DNAJC12: variants seen among roughly 807,000 people sequenced by gnomAD.
The protein encoded by DNAJC12 is dnaJ homolog subfamily C member 12.
In DNAJC12, 25 loss-of-function variants were observed where a neutral mutation model predicts 28.5. The ratio of observed to expected loss-of-function variants is 0.88; its 90% CI spans 0.64 to 1.22. The LOEUF is 1.22. Ranked by LOEUF, DNAJC12 falls within the 50% of genes most tolerant of loss-of-function variation. The pLI is 0.00. For missense variants in DNAJC12, 222 were observed against 231.7 expected, an observed-to-expected ratio of 0.96 and a Z score of 0.27; for synonymous variants, 77 against 80.6, an observed-to-expected ratio of 0.95 and a Z score of 0.24.
At chr10:67,803,330 C>A (rs1259200056) in intron 4 of DNAJC12, among the ~76,000 whole-genome samples, 1 of 152,168 alleles carries the variant, frequency 6.6e-6, no homozygotes, top group African/African-American at 2.4e-5. Context: ...TACAGTATAA[C>A]CCCATTCTTT....
rs3740049 is a variant in DNAJC12 at position 67,811,578 on chromosome 10, G to T, written c.243C>A (p.Ser81Arg). 1.9e-6 allele frequency: 3 copies of T among 1,613,938 alleles called. No homozygotes were observed. In the Admixed American group the frequency reaches 5.0e-5, roughly 27 times the overall value. The change falls in exon 3 of 5, where the codon AGC (serine) becomes AGA (arginine). Residue 81 changes from serine (S) to arginine (R), a missense_variant. Physicochemically the swap from Ser to Arg is moderately radical, Grantham distance 110 (BLOSUM62 -1). Transcript: ENST00000225171. The part of the protein sequence containing the change: ...SRARYDHWRR[S>R]QMSMPFQQWE... ...ACTGCTGGAATGGCATCGACATCTG[G>T]CTCCTTCGCCAGTGGTCATAGCGGG...
rs376152346 is a variant in DNAJC12, at chr10:67,811,676, T to C, written c.158-13A>G. 62 of 1,608,856 alleles carry C rather than the reference T, an allele frequency of 3.9e-5. No individual in the cohort carries two copies. Among genetic ancestry groups the C allele is most frequent in the Non-Finnish European group, 4.3e-5 (51 of 1,177,410 alleles). ...TGAAAAGTCTCCACTGGAAAACAAA[T>C]CAAGAAATGAGCACTTCTCTCTCGG... is the stretch of plus-strand genomic sequence containing the variant. On this transcript the variant is annotated splice_polypyrimidine_tract_variant and intron_variant, in intron 2 of 4. Transcript: ENST00000225171.
At chr10:67,820,992 A>G (rs950370168) in intron 2 of DNAJC12, among the ~76,000 whole-genome samples, 9 of 151,534 alleles carry the variant, frequency 5.9e-5, no homozygotes, top group African/African-American at 2.2e-4. Flanking sequence ...CATGTTGGTC[A>G]GGCTGGTCTC....
rs182612302 is a variant in DNAJC12 at position 67,832,024 on chromosome 10, G to T, written c.78+5910C>A. Reference sequence around the variant, plus strand: ...CTTACGCCTGTAATCCCAACACTTTGAGAGGCCGAGGTGGGCAGATCACCT... The same window carrying T: ...CTTACGCCTGTAATCCCAACACTTTTAGAGGCCGAGGTGGGCAGATCACCT... On this transcript the variant is annotated intron_variant, in intron 1 of 4. Transcript: ENST00000225171. Among the ~76,000 whole-genome samples, 899 of 152,322 alleles carry T rather than the reference G, an allele frequency of 5.9e-3. 11 individuals are homozygous for T. Among genetic ancestry groups the T allele is most frequent in the African/African-American group, 0.021 (853 of 41,582 alleles).
intron 1 of DNAJC12, among the ~76,000 whole-genome samples, chr10:67,826,678 TAA>T (rs1423614175): frequency 1.6e-5 from 2 of 128,902 alleles, no homozygotes; most frequent in Admixed American, 8.5e-5. Context: ...TCATTATATA[TAA>T]GATATCTAAT....
At chr10:67,830,887 C>T (rs543953197) in intron 1 of DNAJC12, among the ~76,000 whole-genome samples, 5 of 152,132 alleles carry the variant, frequency 3.3e-5, no homozygotes, top group African/African-American at 4.8e-5. Context: ...CAAAAATACA[C>T]ATATAAATAC....
At chr10:67,835,716 T>TCACA (rs1842135770) in intron 1 of DNAJC12, among the ~76,000 whole-genome samples, 106 of 54,898 alleles carry the variant, frequency 1.9e-3, no homozygotes, top group African/African-American at 8.4e-3. Flanking sequence ...AGAGAAAAAA[T>TCACA]GACACACACA....
At chr10:67,816,907 T>C (rs1003957316) in intron 2 of DNAJC12, among the ~76,000 whole-genome samples, 10 of 152,162 alleles carry the variant, frequency 6.6e-5, no homozygotes, top group Admixed American at 5.9e-4. Context: ...AAACAGTTAC[T>C]GTCACCCACA....
At chr10:67,802,338 G>A (rs1841755388) in intron 4 of DNAJC12, among the ~76,000 whole-genome samples, 2 of 152,150 alleles carry the variant, frequency 1.3e-5, no homozygotes, top group African/African-American at 2.4e-5. Context: ...AAAGCACTCA[G>A]GACACAAATG....
chr10:67,819,896 G>T (rs531945217), intron 2 of DNAJC12, among the ~76,000 whole-genome samples: 1 of 152,240 alleles, frequency 6.6e-6, no homozygotes, highest in African/African-American at 2.4e-5. Flanking sequence ...AGGGGCATAC[G>T]ACTGTGAACA....
intron 4 of DNAJC12, among the ~76,000 whole-genome samples, chr10:67,798,758 CTTT>C (rs377308990): frequency 7.6e-6 from 1 of 132,034 alleles, no homozygotes; most frequent in African/African-American, 2.9e-5. Context: ...TGTGATTTTC[CTTT>C]TTTTTTTTTT....
intron 2 of DNAJC12, chr10:67,816,283 A>C: frequency 2.6e-6 from 1 of 390,044 alleles, no homozygotes; most frequent in Non-Finnish European, 4.5e-6. Context: ...AAGAAAATAT[A>C]CCAACTGTTA....
chr10:67,817,782 G>A (rs1434530022), intron 2 of DNAJC12, among the ~76,000 whole-genome samples: 1 of 152,076 alleles, frequency 6.6e-6, no homozygotes, highest in African/African-American at 2.4e-5. Context: ...AGAGGCTGAG[G>A]CAAGAGAGTC....
intron 2 of DNAJC12, 151 bp downstream of exon 2, chr10:67,823,163 C>G (rs1841996679): frequency 1.6e-6 from 1 of 637,480 alleles, no homozygotes; most frequent in East Asian, 2.8e-5. Context: ...CTGCACAGCC[C>G]TCTCCCTTTC....
At position 67,797,842 on chromosome 10, in the gene DNAJC12, C is replaced by T. The variant is rs1481347939; in HGVS notation, c.503-632G>A. Among the ~76,000 whole-genome samples, 4 of 151,884 alleles carry T rather than the reference C, an allele frequency of 2.6e-5. No homozygotes were observed. The South Asian group carries it at 6.2e-4, about 24-fold the overall frequency. ...GATCACGAGGTCAGGAGATCAAGAC[C>T]ATCCTGGCTAACACGGTGAAACCCC... is the stretch of plus-strand genomic sequence containing the variant. On this transcript the variant is annotated intron_variant, in intron 4 of 4. Transcript: ENST00000225171.
In DNAJC12 at chr10:67,806,996, C is replaced by T. The variant is rs186582365; in HGVS notation, c.298-1209G>A. Among the ~76,000 whole-genome samples the T allele has an allele frequency of 4.6e-5, 7 of 152,238 alleles. No homozygotes were observed. The East Asian group carries it at 9.7e-4, about 21-fold the overall frequency. ...TTGTATTTTAGGCTGGGCGCAGTGG[C>T]TCACACCTTAATCCCAGCACTCTGG... On this transcript the variant is annotated intron_variant, in intron 3 of 4. Coordinates refer to ENST00000225171, the MANE Select transcript of DNAJC12 (RefSeq NM_021800.3).
At position 67,819,660 on chromosome 10, in the gene DNAJC12, G is replaced by GAAAGAGAA. The variant is rs1280370710; in HGVS notation, c.157+3653_157+3654insTTCTCTTT. ...ACAAAAAAAGAAAGAAAGAAAGAAAGAGAAAGAAAGAAAGAAAGAAAGAAA... is the reference window on the plus strand; with the variant it reads ...ACAAAAAAAGAAAGAAAGAAAGAAAGAAAGAGAAAGAAAGAAAGAAAGAAAGAAAGAAA... On this transcript the variant is annotated intron_variant, in intron 2 of 4. Coordinates refer to ENST00000225171, the MANE Select transcript of DNAJC12 (RefSeq NM_021800.3). 1.7e-4 allele frequency among the ~76,000 whole-genome samples: 6 copies of GAAAGAGAA among 34,908 alleles called. 1 individual carries two copies. Among genetic ancestry groups the GAAAGAGAA allele is most frequent in the African/African-American group, 7.6e-4 (6 of 7,854 alleles). The allele number at this position is 34,908 out of a possible 152,430, so 22.9% of individuals were successfully genotyped here.
At chr10:67,797,973 G>A (rs951437769) in intron 4 of DNAJC12, among the ~76,000 whole-genome samples, 44 of 151,168 alleles carry the variant, frequency 2.9e-4, no homozygotes, top group Admixed American at 2.4e-3. Context: ...CCGGCATGCG[G>A]AGGTTGCAGT....
In DNAJC12 at chr10:67,826,080, C is replaced by T. The variant is rs1190833801; in HGVS notation, c.79-2688G>A. 3.3e-5 allele frequency among the ~76,000 whole-genome samples: 5 copies of T among 152,004 alleles called. No individual in the cohort carries two copies. In the East Asian group the frequency reaches 9.7e-4, roughly 29 times the overall value. On this transcript the variant is annotated intron_variant, in intron 1 of 4. Transcript: ENST00000225171. ...TAAAAAAGTCAAAATCCTTTTATTC[C>T]TCATCCAAGGAATATACCCAAGAGA...
Sources: gnomAD v4.1 joint callset for allele counts (sites outside exome capture counted in the v4.1 genomes callset) on GRCh38, gnomAD v4.1.1 for gene constraint, MANE v1.5 for transcripts, NCBI Gene and HGNC (gene_info 2026-07-23, HGNC 2026-07-21) for gene names.